The following ITGAE variants were observed in gnomAD, a reference collection of about 807,000 sequenced individuals.
ITGAE encodes integrin subunit alpha E.
Under a neutral mutation model 136.5 loss-of-function variants are expected in ITGAE, and 99 were observed. The observed-to-expected ratio is 0.73, with a 90% CI of 0.62 to 0.86. The LOEUF is 0.86. Ranked by LOEUF, ITGAE falls within the 40% of genes least tolerant of loss-of-function variation. ITGAE has a pLI of 0.00. For synonymous variants in ITGAE, 613 were observed against 591.8 expected, an observed-to-expected ratio of 1.04 and a Z score of -0.52; for missense variants, 1,447 against 1,515.3, an observed-to-expected ratio of 0.95 and a Z score of 0.75.
intron 26 of ITGAE, chr17:3,724,534 C>G (rs767002901): frequency 6.2e-7 from 1 of 1,613,954 alleles, no homozygotes; most frequent in Admixed American, 1.7e-5. Context: ...GCAGCCTCAG[C>G]CGTCCCGAGC....
At chr17:3,785,873 T>G (rs75182550) in intron 1 of ITGAE, among the ~76,000 whole-genome samples, 5,341 of 151,338 alleles carry the variant, frequency 0.035, 97 homozygotes, top group East Asian at 0.045. Flanking sequence ...CTAAGACATT[T>G]AAAAAATAGA....
In ITGAE at chr17:3,750,460, G is replaced by T; in HGVS notation, c.1916C>A (p.Ala639Asp). The change falls in exon 16 of 31, where the codon GCC becomes GAC. Residue 639 changes from alanine to aspartate, a missense_variant. Around this residue, in one of 3 missense-constraint regions of ITGAE, gnomAD observed 1,031 missense variants for 1,011.4 expected, o/e 1.02. Transcript: ENST00000263087. ...PSQRIRASTV[A>D]PGLQYFGMSM... is the part of the protein sequence containing the mutation. ...CATGCCGAAGTACTGGAGTCCTGGG[G>T]CCACCGTGGAGGCTCTGATCCGCTG... 3 of 1,614,146 alleles carry T rather than the reference G, an allele frequency of 1.9e-6. No individual in the cohort carries two copies. Among genetic ancestry groups the T allele is most frequent in the Non-Finnish European group, 2.5e-6 (3 of 1,180,030 alleles).
chr17:3,719,429 A>C (rs1287124698), intron 29 of ITGAE, among the ~76,000 whole-genome samples: 1 of 152,132 alleles, frequency 6.6e-6, no homozygotes. Context: ...ATGCCTAACT[A>C]AAGAGCTCAG....
rs2051686953 is a variant in ITGAE at position 3,745,392 on chromosome 17, A to G, written c.2319+372T>C. ...GTCTTGCTCTTGTTGGCCAGGCTGG[A>G]GTACAGTGGCATGATTTCGGCTCAC... is the stretch of plus-strand genomic sequence containing the variant. On this transcript the variant is annotated intron_variant, in intron 18 of 30. Coordinates refer to ENST00000263087, the MANE Select transcript of ITGAE (RefSeq NM_002208.5). 1.3e-5 allele frequency among the ~76,000 whole-genome samples: 2 copies of G among 151,954 alleles called. 1 individual carries two copies. Among genetic ancestry groups the G allele is most frequent in the South Asian group, 4.2e-4 (2 of 4,810 alleles).
intron 2 of ITGAE, among the ~76,000 whole-genome samples, chr17:3,776,077 A>ATTTTTT (rs1211260274): frequency 3.0e-5 from 2 of 66,266 alleles, no homozygotes; most frequent in Non-Finnish European, 2.6e-5. Context: ...TTTTTTTTTG[A>ATTTTTT]GACGGAGTCT....
intron 1 of ITGAE, among the ~76,000 whole-genome samples, chr17:3,800,872 C>A (rs2053241075): frequency 6.6e-6 from 1 of 152,192 alleles, no homozygotes. Context: ...TGGCAGAGCC[C>A]TGGAGTCCAA....
intron 26 of ITGAE, 90 bp downstream of exon 26, chr17:3,727,829 A>T: frequency 1.2e-6 from 1 of 850,328 alleles, no homozygotes; most frequent in Non-Finnish European, 2.0e-6. Context: ...ACTTGTCTTC[A>T]CTCTGTTTCT....
In ITGAE at chr17:3,743,623, G is replaced by A. The variant is rs751791888; in HGVS notation, c.2320-6C>T. 1.2e-6 allele frequency: 2 copies of A among 1,610,702 alleles called. No individual in the cohort carries two copies. The highest frequency in any genetic ancestry group is 2.2e-5 in the East Asian group (1 of 44,796). On this transcript the variant is annotated splice_region_variant and splice_polypyrimidine_tract_variant and intron_variant, in intron 18 of 30. Transcript: ENST00000263087. ...AAGCAGTCCTCCTCACAGAGCTGTG[G>A]GGTCACCACGGAAGGCAGGGTTAGA...
chr17:3,753,137 C>T (rs960179338), intron 14 of ITGAE, among the ~76,000 whole-genome samples, 153 bp downstream of exon 14: 6 of 152,174 alleles, frequency 3.9e-5, no homozygotes, highest in African/African-American at 1.4e-4. Context: ...AGAGCGATGC[C>T]GCTGCCCCGC....
chr17:3,751,830 C>T lies in ITGAE; in HGVS notation c.1713G>A (p.Gly571=). ...CAAAGCCAAAGCGGGCATTGGTGAA[C>T]CCGGGGTGCCCACTCAGTATGCGTG... ...SLARILSGHP[G]FTNARFGFAM... Residue 571 remains glycine (G), a synonymous_variant, in exon 15 of 31, where the codon GGG becomes GGA. Transcript: ENST00000263087. 1 of 1,614,120 alleles carries T rather than the reference C, an allele frequency of 6.2e-7. No homozygotes were observed. The highest frequency in any genetic ancestry group is 8.5e-7 in the Non-Finnish European group (1 of 1,179,980).
chr17:3,743,950 G>A (rs1431340587), intron 18 of ITGAE, among the ~76,000 whole-genome samples: 5 of 150,978 alleles, frequency 3.3e-5, no homozygotes, highest in South Asian at 4.2e-4. Context: ...TGATCCACCC[G>A]CCTCAGCCTC....
intron 26 of ITGAE, among the ~76,000 whole-genome samples, 189 bp downstream of exon 26, chr17:3,727,730 A>G (rs1187645275): frequency 1.3e-5 from 2 of 152,140 alleles, no homozygotes; most frequent in African/African-American, 2.4e-5. Flanking sequence ...AAAGGGAGGA[A>G]AACTGACAGG....
rs763097548 is a variant in ITGAE at position 3,761,565 on chromosome 17, G to A, written c.316-45C>T. On this transcript the variant is annotated intron_variant, in intron 4 of 30. Coordinates refer to ENST00000263087, the MANE Select transcript of ITGAE (RefSeq NM_002208.5). ...GTGGGGAAACACCAGGTCACCTCCCGATTCCCGAGCCACAGCCACATTCTC... is the reference window on the plus strand; with the variant it reads ...GTGGGGAAACACCAGGTCACCTCCCAATTCCCGAGCCACAGCCACATTCTC... 1.4e-5 allele frequency: 21 copies of A among 1,520,336 alleles called. No homozygotes were observed. The Admixed American group carries it at 2.2e-4, about 16-fold the overall frequency. The allele number at this position is 1,520,336 out of a possible 1,614,324, so 94.2% of individuals were successfully genotyped here. A position where few individuals can be genotyped will look rare whatever the true frequency, so the allele number is the denominator to read the frequency against.
chr17:3,784,883 GC>G (rs1212621192), intron 1 of ITGAE, among the ~76,000 whole-genome samples: 1 of 152,184 alleles, frequency 6.6e-6, no homozygotes, highest in Non-Finnish European at 1.5e-5. Flanking sequence ...TGTCATCCTA[GC>G]CCTGTGGAAG....
intron 18 of ITGAE, among the ~76,000 whole-genome samples, chr17:3,743,867 T>C (rs1184632786): frequency 1.3e-5 from 2 of 151,734 alleles, no homozygotes; most frequent in Non-Finnish European, 2.9e-5. Context: ...CACGCCTGGC[T>C]AATTTTTGTA....
intron 1 of ITGAE, among the ~76,000 whole-genome samples, chr17:3,792,492 C>T (rs549588824): frequency 6.6e-6 from 1 of 152,190 alleles, no homozygotes; most frequent in South Asian, 2.1e-4. Flanking sequence ...CATAAAAATA[C>T]ATAATACAGG....
rs576592876 is a variant in ITGAE, at chr17:3,745,642, T to C, written c.2319+122A>G. On this transcript the variant is annotated intron_variant, in intron 18 of 30. Coordinates refer to ENST00000263087, the MANE Select transcript of ITGAE (RefSeq NM_002208.5). ...CAGGCGTGAGCCACCGTGCCTGGCC[T>C]GTTATGATTATTTTAATCACCTCAT... is the stretch of plus-strand genomic sequence containing the variant. 93 of 995,762 alleles carry C rather than the reference T, an allele frequency of 9.3e-5. 1 individual carries two copies. In the South Asian group the frequency reaches 1.4e-3, roughly 15 times the overall value. 61.7% of individuals were successfully genotyped at this position (995,762 alleles called of 1,614,324 possible).
chr17:3,728,014 T>G lies in ITGAE; in HGVS notation c.2989A>C (p.Asn997His), dbSNP rs1457124312. The change falls in exon 26 of 31, where the codon AAC becomes CAC. Residue 997 changes from asparagine to histidine, a missense_variant. Around this residue, in one of 3 missense-constraint regions of ITGAE, gnomAD observed 1,031 missense variants for 1,011.4 expected, o/e 1.02. Coordinates refer to ENST00000263087, the MANE Select transcript of ITGAE (RefSeq NM_002208.5). ...AACTGGTATTCTGCTCCAAAGAGGT[T>G]CTCCCCATGTACCTGCAAATTAAAA... is the stretch of plus-strand genomic sequence containing the variant. ...KEFLFHVHGE[N>H]LFGAEYQLQI... 6.2e-7 allele frequency: 1 copy of G among 1,613,696 alleles called. No individual in the cohort carries two copies.
intron 29 of ITGAE, among the ~76,000 whole-genome samples, chr17:3,719,234 T>TAA (rs2050999265): frequency 8.6e-5 from 3 of 34,808 alleles, no homozygotes; most frequent in African/African-American, 3.6e-4. Context: ...AGATTCTTCC[T>TAA]CAAAAAAAAA....
Sources: gnomAD v4.1 joint callset for allele counts (sites outside exome capture counted in the v4.1 genomes callset) on GRCh38, gnomAD v4.1.1 for gene constraint, gnomAD v4.1.1 regional missense constraint, MANE v1.5 for transcripts, NCBI Gene and HGNC (gene_info 2026-07-23, HGNC 2026-07-21) for gene names.